C13orf42: variants seen among roughly 807,000 people sequenced by gnomAD.
C13orf42 encodes chromosome 13 open reading frame 42.
chr13:51,161,823 AT>A (rs1953866932), intron 1 of C13orf42: 1 of 398,354 alleles, frequency 2.5e-6, no homozygotes, highest in East Asian at 6.4e-5. Flanking sequence ...ACTGTGAGGG[AT>A]AGAGAAACCT....
chr13:51,094,464 G>A (rs978260589), intron 1 of C13orf42, among the ~76,000 whole-genome samples: 3 of 152,036 alleles, frequency 2.0e-5, no homozygotes, highest in Non-Finnish European at 4.4e-5. Flanking sequence ...TAATTATGTT[G>A]TAAACACACA....
chr13:51,171,776 G>T (rs1953955346), intron 1 of C13orf42, among the ~76,000 whole-genome samples: 1 of 151,982 alleles, frequency 6.6e-6, no homozygotes, highest in Admixed American at 6.5e-5. Flanking sequence ...TAGCGTTTAG[G>T]CTCTTTTTCA....
At chr13:51,146,648 G>A (rs187556164) in intron 1 of C13orf42, among the ~76,000 whole-genome samples, 49 of 152,308 alleles carry the variant, frequency 3.2e-4, no homozygotes, top group Admixed American at 2.9e-3. Context: ...ACAGTGGGGA[G>A]GGGGCTTCCA....
At position 51,149,312 on chromosome 13, in the gene C13orf42, G is replaced by GAA. The variant is rs60935214; in HGVS notation, n.136+22939_136+22940dup. Among the ~76,000 whole-genome samples the GAA allele has an allele frequency of 7.9e-3, 813 of 102,964 alleles. 15 individuals carry two copies. Among genetic ancestry groups the GAA allele is most frequent in the Admixed American group, 0.032 (317 of 9,928 alleles). 67.5% of individuals were successfully genotyped at this position (102,964 alleles called of 152,430 possible). A position where few individuals can be genotyped will look rare whatever the true frequency, so the allele number is the denominator to read the frequency against. Reference sequence around the variant, plus strand: ...TAGGAAGTGGCCAAAGGCTGAAATTGAAAAAAAAAAAAAAAAAACCCTAAA... The same window carrying GAA: ...TAGGAAGTGGCCAAAGGCTGAAATTGAAAAAAAAAAAAAAAAAAAACCCTAAA... On this transcript the variant is annotated intron_variant and non_coding_transcript_variant, in intron 1 of 4. Coordinates refer to the C13orf42 transcript ENST00000433280.
At chr13:51,162,159 T>C (rs73488042) in intron 1 of C13orf42, 6,329 of 256,774 alleles carry the variant, frequency 0.025, 386 homozygotes, top group African/African-American at 0.13. Context: ...ATCTCACAAA[T>C]GGTATCTGTA....
At chr13:51,119,028 C>A (rs1953513073) in intron 1 of C13orf42, among the ~76,000 whole-genome samples, 1 of 151,950 alleles carries the variant, frequency 6.6e-6, no homozygotes, top group South Asian at 2.1e-4. Flanking sequence ...GTACAGTATG[C>A]CCAGGTCTAC....
chr13:51,131,673 A>C (rs1282223386), intron 1 of C13orf42, among the ~76,000 whole-genome samples: 2 of 152,224 alleles, frequency 1.3e-5, no homozygotes, highest in African/African-American at 4.8e-5. Flanking sequence ...CATCAAAGCC[A>C]ATTTAAAAAG....
At chr13:51,157,438 G>GATAAAATAAA (rs140215536) in intron 1 of C13orf42, among the ~76,000 whole-genome samples, 4 of 151,800 alleles carry the variant, frequency 2.6e-5, no homozygotes, top group African/African-American at 9.7e-5. Context: ...CATCTCAAAA[G>GATAAAATAAA]ATAAAATAAA....
chr13:51,099,890 C>T (rs1278164630), intron 1 of C13orf42, among the ~76,000 whole-genome samples: 1 of 152,160 alleles, frequency 6.6e-6, no homozygotes, highest in African/African-American at 2.4e-5. Context: ...TTGGCTTTAA[C>T]AAAACACTAA....
chr13:51,170,663 TC>T (rs59078046), intron 1 of C13orf42, among the ~76,000 whole-genome samples: 152,210 of 152,210 alleles, frequency 1, 76,105 homozygotes, highest in Non-Finnish European at 1. Context: ...AAGGCAGCCT[TC>T]CCCTTGGTGT....
At chr13:51,121,828 A>T (rs9568529) in intron 1 of C13orf42, among the ~76,000 whole-genome samples, 133,614 of 152,282 alleles carry the variant, frequency 0.88, 58,997 homozygotes, top group African/African-American at 0.97. Flanking sequence ...AGCCACCGCA[A>T]CTGGCCTCAT....
intron 1 of C13orf42, among the ~76,000 whole-genome samples, chr13:51,088,381 C>T (rs1474950544): frequency 6.6e-6 from 1 of 152,180 alleles, no homozygotes; most frequent in Non-Finnish European, 1.5e-5. Flanking sequence ...AGCCTTGTTC[C>T]TTGCTGATAA....
chr13:51,152,892 G>A (rs1953790694), intron 1 of C13orf42, among the ~76,000 whole-genome samples: 1 of 152,056 alleles, frequency 6.6e-6, no homozygotes, highest in South Asian at 2.1e-4. Flanking sequence ...ATGTCTGCTG[G>A]CTGTGGATCC....
At chr13:51,169,248 G>T (rs1953926454) in intron 1 of C13orf42, among the ~76,000 whole-genome samples, 1 of 152,194 alleles carries the variant, frequency 6.6e-6, no homozygotes, top group Non-Finnish European at 1.5e-5. Context: ...CCAAAATACT[G>T]ACAGTGCTAT....
At chr13:51,100,603 A>G (rs1007465479) in intron 1 of C13orf42, among the ~76,000 whole-genome samples, 3 of 152,182 alleles carry the variant, frequency 2.0e-5, no homozygotes, top group Admixed American at 6.5e-5. Flanking sequence ...AGCAATAATA[A>G]AAGTACCTTA....
intron 1 of C13orf42, among the ~76,000 whole-genome samples, chr13:51,124,769 A>G (rs1283804028): frequency 3.4e-4 from 51 of 152,160 alleles, no homozygotes; most frequent in Admixed American, 3.3e-3. Flanking sequence ...TTAGAGAACC[A>G]CCCACTTAGG....
At chr13:51,085,965 C>T (rs940182857) in intron 2 of C13orf42, among the ~76,000 whole-genome samples, 7 of 151,858 alleles carry the variant, frequency 4.6e-5, no homozygotes, top group Non-Finnish European at 1.0e-4. Context: ...AGCAATGAGC[C>T]GAGACTGTAC....
At chr13:51,094,059 A>AT (rs1442638036) in intron 1 of C13orf42, among the ~76,000 whole-genome samples, 1 of 152,166 alleles carries the variant, frequency 6.6e-6, no homozygotes, top group Non-Finnish European at 1.5e-5. Flanking sequence ...ACTGTCCTGC[A>AT]TTTTGACAGC....
At chr13:51,144,047 C>T (rs1282214652) in intron 1 of C13orf42, among the ~76,000 whole-genome samples, 4 of 152,076 alleles carry the variant, frequency 2.6e-5, no homozygotes, top group Non-Finnish European at 5.9e-5. Context: ...TTAACTATGG[C>T]TCCCTTAAAA....
Sources: allele counts gnomAD v4.1 joint callset (sites outside exome capture counted in the v4.1 genomes callset), GRCh38; gene constraint gnomAD v4.1.1; transcripts MANE v1.5; gene names NCBI Gene and HGNC (gene_info 2026-07-23, HGNC 2026-07-21).